Variants in CACNG5 observed in about 807,000 individuals in gnomAD.
CACNG5 encodes the protein voltage-dependent calcium channel gamma-5 subunit.
CACNG5 carries 18 observed loss-of-function variants against 24.8 expected under a neutral mutation model. That is an observed-to-expected ratio of 0.73 (90% CI 0.50 to 1.08). CACNG5 has a LOEUF of 1.08. Among genes scored for constraint, CACNG5 ranks in the 50% least tolerant of loss-of-function variants. The pLI, the probability that CACNG5 is intolerant of heterozygous loss-of-function variation, is 0.00. For synonymous variants in CACNG5, 157 were observed against 149.1 expected (o/e 1.05, Z -0.39); for missense variants, 349 against 367.9 (o/e 0.95, Z 0.42).
intron 1 of CACNG5, among the ~76,000 whole-genome samples, chr17:66,873,525 G>T (rs1041459275): frequency 9.9e-5 from 15 of 152,256 alleles, no homozygotes; most frequent in Admixed American, 9.1e-4. Flanking sequence ...TCCCTGCCAA[G>T]CTTAACATTA....
chr17:66,857,396 G>A (rs1048379716), intron 1 of CACNG5, among the ~76,000 whole-genome samples: 1 of 152,000 alleles, frequency 6.6e-6, no homozygotes, highest in Non-Finnish European at 1.5e-5. Flanking sequence ...CTGTCCAATA[G>A]GAATGTAATG....
intron 1 of CACNG5, among the ~76,000 whole-genome samples, chr17:66,850,811 G>C (rs1413135227): frequency 6.6e-6 from 1 of 152,112 alleles, no homozygotes; most frequent in Non-Finnish European, 1.5e-5. Context: ...TCTAGTTTTG[G>C]CAACAGAGTA....
At chr17:66,841,551 C>T (rs1976568555) in intron 1 of CACNG5, among the ~76,000 whole-genome samples, 1 of 152,180 alleles carries the variant, frequency 6.6e-6, no homozygotes, top group South Asian at 2.1e-4. Context: ...GAGCATCCTA[C>T]CCAGCTGTCT....
At position 66,884,638 on chromosome 17, in the gene CACNG5, G is replaced by T; in HGVS notation, c.547G>T (p.Ala183Ser). Residue 183 changes from alanine (A) to serine (S), a missense_variant, in exon 5 of 6, where the codon GCC becomes TCC. Ala to Ser is a moderately conservative substitution (Grantham distance 99, BLOSUM62 1). Transcript: ENST00000533854. ...YKYGWSFAFAAISFLLTESAG... is the reference protein window; with the variant it reads ...YKYGWSFAFASISFLLTESAG... Reference sequence around the variant, plus strand: ...GTATGGGTGGTCGTTTGCCTTCGCCGCCATCTCCTTCCTTTTAACGGAGGT... The same window carrying T: ...GTATGGGTGGTCGTTTGCCTTCGCCTCCATCTCCTTCCTTTTAACGGAGGT... 6.2e-7 allele frequency: 1 copy of T among 1,614,128 alleles called. No homozygotes were observed. The highest frequency in any genetic ancestry group is 8.5e-7 in the Non-Finnish European group (1 of 1,180,004).
chr17:66,883,116 A>C (rs1379150741), intron 4 of CACNG5, among the ~76,000 whole-genome samples: 1 of 152,110 alleles, frequency 6.6e-6, no homozygotes, highest in Non-Finnish European at 1.5e-5. Context: ...AACCCAACAC[A>C]TATTTATTGA....
intron 2 of CACNG5, 101 bp from the exon 3 acceptor site, chr17:66,878,871 G>C: frequency 2.1e-6 from 2 of 969,052 alleles, no homozygotes; most frequent in Non-Finnish European, 3.2e-6. Flanking sequence ...AGACACAGCA[G>C]GTCAAAGATC....
intron 1 of CACNG5, among the ~76,000 whole-genome samples, chr17:66,852,483 C>A (rs2143050104): frequency 6.6e-6 from 1 of 152,174 alleles, no homozygotes; most frequent in East Asian, 1.9e-4. Flanking sequence ...AAGAAACAGG[C>A]CCACATGGTT....
At chr17:66,835,651 C>G (rs1167618827) in intron 1 of CACNG5, among the ~76,000 whole-genome samples, 1 of 152,192 alleles carries the variant, frequency 6.6e-6, no homozygotes, top group Non-Finnish European at 1.5e-5. Context: ...ACCTGTTGAG[C>G]TGGGCTGTCG....
rs573566137 is a variant in CACNG5, at chr17:66,886,322, T to C, written c.*1082T>C. Among the ~76,000 whole-genome samples, 24 of 152,262 alleles carry C rather than the reference T, an allele frequency of 1.6e-4. No homozygotes were observed. Among genetic ancestry groups the C allele is most frequent in the African/African-American group, 3.1e-4 (13 of 41,560 alleles). ...GCTCTCCGAAGGCTGCCTGTGAACA[T>C]TGGGGGGTTGCCAATTTAATCCTAA... On this transcript the variant is annotated 3_prime_UTR_variant, in exon 6 of 6. Coordinates refer to ENST00000533854, the MANE Select transcript of CACNG5 (RefSeq NM_145811.3).
At chr17:66,837,817 C>T (rs1976501692) in intron 1 of CACNG5, among the ~76,000 whole-genome samples, 1 of 151,966 alleles carries the variant, frequency 6.6e-6, no homozygotes, top group African/African-American at 2.4e-5. Flanking sequence ...CATAGTTCTG[C>T]AGAGACAGGC....
chr17:66,860,984 A>G (rs192196860), intron 1 of CACNG5, among the ~76,000 whole-genome samples: 35 of 152,210 alleles, frequency 2.3e-4, no homozygotes, highest in African/African-American at 8.4e-4. Context: ...AAAAGTAATC[A>G]TATATAATAC....
chr17:66,838,960 C>CTTTTTTTTTTTTT (rs71160595), intron 1 of CACNG5, among the ~76,000 whole-genome samples: 1,670 of 88,000 alleles, frequency 0.019, 247 homozygotes, highest in African/African-American at 0.076. Context: ...CTCACCCATT[C>CTTTTTTTTTTTTT]TTTTTTTTTT....
intron 1 of CACNG5, among the ~76,000 whole-genome samples, chr17:66,857,709 T>G (rs1282095123): frequency 6.6e-6 from 1 of 152,192 alleles, no homozygotes; most frequent in Non-Finnish European, 1.5e-5. Context: ...TAGTCCAGAT[T>G]AGACCAAAAT....
rs1475122810 is a variant in CACNG5, at chr17:66,893,148, C to T, written c.*7908C>T. Among the ~76,000 whole-genome samples, 1 of 152,128 alleles carries T rather than the reference C, an allele frequency of 6.6e-6. No homozygotes were observed. The highest frequency in any genetic ancestry group is 1.5e-5 in the Non-Finnish European group (1 of 68,028). On this transcript the variant is annotated 3_prime_UTR_variant, in exon 6 of 6. Coordinates refer to ENST00000533854, the MANE Select transcript of CACNG5 (RefSeq NM_145811.3). ...ATGACCGCACAGCTGGTAATATTTG[C>T]ACTGCTCTGCTCTGCAAGTCCTGTT...
intron 1 of CACNG5, among the ~76,000 whole-genome samples, chr17:66,838,875 G>T (rs1403011327): frequency 1.3e-5 from 2 of 151,514 alleles, no homozygotes; most frequent in African/African-American, 4.9e-5. Context: ...TGCAGGGGAG[G>T]CTGTCCTGGG....
At chr17:66,853,896 C>T (rs1976738378) in intron 1 of CACNG5, among the ~76,000 whole-genome samples, 1 of 152,062 alleles carries the variant, frequency 6.6e-6, no homozygotes, top group Admixed American at 6.5e-5. Flanking sequence ...TCACTATCAT[C>T]ACTTTTATGT....
intron 1 of CACNG5, among the ~76,000 whole-genome samples, chr17:66,849,449 G>C (rs1270096272): frequency 1.3e-5 from 2 of 152,302 alleles, no homozygotes; most frequent in African/African-American, 4.8e-5. Context: ...ATCCAGCAGT[G>C]GGGTGGTGGC....
chr17:66,868,799 A>G (rs1394983010), intron 1 of CACNG5, among the ~76,000 whole-genome samples: 1 of 152,204 alleles, frequency 6.6e-6, no homozygotes, highest in Non-Finnish European at 1.5e-5. Flanking sequence ...CACCATGAAG[A>G]CACCTTTTAT....
intron 1 of CACNG5, among the ~76,000 whole-genome samples, chr17:66,836,854 A>G (rs1334848862): frequency 6.6e-6 from 1 of 152,228 alleles, no homozygotes; most frequent in Non-Finnish European, 1.5e-5. Context: ...CCCAGGCCCC[A>G]CAAGCCAACA....
Sources: allele counts gnomAD v4.1 joint callset (sites outside exome capture counted in the v4.1 genomes callset), GRCh38; gene constraint gnomAD v4.1.1; transcripts MANE v1.5; gene names NCBI Gene and HGNC (gene_info 2026-07-23, HGNC 2026-07-21).